EXOSC1: variants seen among roughly 807,000 people sequenced by gnomAD.
EXOSC1 encodes the protein exosome component 1.
In EXOSC1, 27 loss-of-function variants were observed where a neutral mutation model predicts 31.4. That is an observed-to-expected ratio of 0.86 (90% confidence interval 0.63 to 1.18). EXOSC1 has a LOEUF of 1.18. Ranked by LOEUF, EXOSC1 falls within the 50% of genes most tolerant of loss-of-function variation. EXOSC1 has a pLI of 0.00. For synonymous variants in EXOSC1, 84 were observed against 89.5 expected, an observed-to-expected ratio of 0.94 and a Z score of 0.35; for missense variants, 228 against 250.3, an observed-to-expected ratio of 0.91 and a Z score of 0.60.
intron 4 of EXOSC1, 72 bp from the exon 5 acceptor site, chr10:97,438,775 C>T: frequency 9.5e-7 from 1 of 1,052,798 alleles, no homozygotes; most frequent in Non-Finnish European, 1.4e-6. Context: ...TTTTTTGAGA[C>T]AGAGTCTCCC....
Position 97,441,079 on chromosome 10 carries a change from G to C in EXOSC1, c.311+92C>G, listed in dbSNP as rs548718113. 728 of 1,017,092 alleles carry C rather than the reference G, an allele frequency of 7.2e-4. 1 individual carries two copies. The highest frequency in any genetic ancestry group is 1.0e-3 in the Non-Finnish European group (694 of 678,566). The allele number at this position is 1,017,092 out of a possible 1,614,324, so 63.0% of individuals were successfully genotyped here. On this transcript the variant is annotated intron_variant, in intron 4 of 7. Coordinates refer to ENST00000370902, the MANE Select transcript of EXOSC1 (RefSeq NM_016046.5). ...AAGAAAAACGGGCAAAAGAAAAATAGGAATTGTAACTGTTGCTCAAAATTC... is the reference window on the plus strand; with the variant it reads ...AAGAAAAACGGGCAAAAGAAAAATACGAATTGTAACTGTTGCTCAAAATTC...
At position 97,443,311 on chromosome 10, in the gene EXOSC1, G is replaced by A; in HGVS notation, c.148C>T (p.Leu50Phe). 1.2e-6 allele frequency: 2 copies of A among 1,613,082 alleles called. No individual in the cohort carries two copies. The highest frequency in any genetic ancestry group is 1.7e-6 in the Non-Finnish European group (2 of 1,179,682). Residue 50 changes from leucine to phenylalanine, a missense_variant and splice_region_variant, in exon 3 of 8, where the codon CTT becomes TTT. Coordinates refer to ENST00000370902, the MANE Select transcript of EXOSC1 (RefSeq NM_016046.5). ...CLMKSSENGA[L>F]PVVSVVRETE... Reference sequence around the variant, plus strand: ...TCTCTCACTACAGACACCACTGGAAGCTACAGAGGGAACAACAAAAAACTG... The same window carrying A: ...TCTCTCACTACAGACACCACTGGAAACTACAGAGGGAACAACAAAAAACTG...
At position 97,441,271 on chromosome 10, in the gene EXOSC1, A is replaced by G; in HGVS notation, c.223-12T>C. On this transcript the variant is annotated splice_polypyrimidine_tract_variant and intron_variant, in intron 3 of 7. Coordinates refer to ENST00000370902, the MANE Select transcript of EXOSC1 (RefSeq NM_016046.5). ...TTGATGCTAGAGACCTGCGGAATAG[A>G]GAAAAGATCAGCATCAGAGTATAAG... is the stretch of plus-strand genomic sequence containing the variant. 1 of 1,611,884 alleles carries G rather than the reference A, an allele frequency of 6.2e-7. No homozygotes were observed. Among genetic ancestry groups the G allele is most frequent in the Non-Finnish European group, 8.5e-7 (1 of 1,178,096 alleles).
intron 3 of EXOSC1, among the ~76,000 whole-genome samples, chr10:97,441,767 G>A (rs1386281354): frequency 4.7e-5 from 7 of 148,990 alleles, no homozygotes; most frequent in Non-Finnish European, 1.0e-4. Flanking sequence ...TGGGATTACA[G>A]GTGTAAGCCA....
intron 6 of EXOSC1, 36 bp downstream of exon 6, chr10:97,437,664 A>T: frequency 1.2e-6 from 2 of 1,603,890 alleles, no homozygotes; most frequent in Non-Finnish European, 1.7e-6. Context: ...TCTTCTTTTG[A>T]CAAAGGACCA....
intron 5 of EXOSC1, among the ~76,000 whole-genome samples, chr10:97,438,353 A>C (rs1467157182): frequency 1.3e-5 from 2 of 152,050 alleles, no homozygotes; most frequent in Non-Finnish European, 2.9e-5. Flanking sequence ...AGTAGCTAGG[A>C]CTACAGGTGC....
At chr10:97,439,365 C>T (rs1845644143) in intron 4 of EXOSC1, among the ~76,000 whole-genome samples, 1 of 152,218 alleles carries the variant, frequency 6.6e-6, no homozygotes, top group Non-Finnish European at 1.5e-5. Context: ...TCTGTATTTA[C>T]AGCTGCTTCC....
At chr10:97,436,691 A>G in intron 7 of EXOSC1, 140 bp from the exon 8 acceptor site, 1 of 688,142 alleles carries the variant, frequency 1.5e-6, no homozygotes, top group Non-Finnish European at 2.3e-6. Context: ...TGTTCATTCT[A>G]CTGACTTATG....
rs1845579522 is a variant in EXOSC1, at chr10:97,437,551, T to C, written c.396+149A>G. The C allele has an allele frequency of 2.4e-5, 17 of 720,022 alleles. 1 individual carries two copies. The South Asian group carries it at 2.8e-4, about 12-fold the overall frequency. 44.6% of individuals were successfully genotyped at this position (720,022 alleles called of 1,614,324 possible). ...TTAGTAGAGACAGGGTTTCACCATG[T>C]TGTCCAGGCTGGTCTCGAACTCCTG... On this transcript the variant is annotated intron_variant, in intron 6 of 7. Transcript: ENST00000370902.
intron 5 of EXOSC1, among the ~76,000 whole-genome samples, 159 bp downstream of exon 5, chr10:97,438,511 C>T (rs977180806): frequency 2.0e-5 from 3 of 151,268 alleles, no homozygotes; most frequent in Non-Finnish European, 4.4e-5. Context: ...CGCTATGTTG[C>T]CAGGGCTGGT....
At chr10:97,445,633 G>A (rs1589475063) in intron 2 of EXOSC1, 99 bp downstream of exon 2, 1 of 1,046,430 alleles carries the variant, frequency 9.6e-7, no homozygotes, top group South Asian at 1.5e-5. Context: ...GTACCACTGA[G>A]GCACTAAAGA....
Position 97,436,457 on chromosome 10 carries a change from G to GA in EXOSC1, c.575dup (p.Gln194AlafsTer14), listed in dbSNP as rs1845539416. The GA allele has an allele frequency of 6.2e-7, 1 of 1,612,752 alleles. No individual in the cohort carries two copies. Among genetic ancestry groups the GA allele is most frequent in the Admixed American group, 1.7e-5 (1 of 59,874 alleles). On this transcript the variant is annotated frameshift_variant, in exon 8 of 8. Coordinates refer to ENST00000370902, the MANE Select transcript of EXOSC1 (RefSeq NM_016046.5). LOFTEE classifies it high-confidence loss of function. ...AAAAAGTGGCTTCTTAGGTCTGCAA[G>GA]AATTCGGGTTGTACTCGGGCTACTT...
At chr10:97,439,905 A>T (rs964967387) in intron 4 of EXOSC1, among the ~76,000 whole-genome samples, 2 of 152,110 alleles carry the variant, frequency 1.3e-5, no homozygotes, top group African/African-American at 4.8e-5. Flanking sequence ...AAATCTTTTC[A>T]ATGTTTTATA....
At chr10:97,441,585 G>C (rs1306965233) in intron 3 of EXOSC1, among the ~76,000 whole-genome samples, 2 of 150,848 alleles carry the variant, frequency 1.3e-5, no homozygotes, top group Non-Finnish European at 3.0e-5. Context: ...CCGCCTCCTG[G>C]GTTCAAATAA....
At chr10:97,443,561 C>G (rs117736244) in intron 2 of EXOSC1, among the ~76,000 whole-genome samples, 1 of 152,194 alleles carries the variant, frequency 6.6e-6, no homozygotes, top group African/African-American at 2.4e-5. Flanking sequence ...CTTGCTCTGT[C>G]GCCTAGACTG....
At chr10:97,441,008 T>C (rs1369635509) in intron 4 of EXOSC1, 163 bp downstream of exon 4, 4 of 553,126 alleles carry the variant, frequency 7.2e-6, no homozygotes, top group East Asian at 3.1e-5. Flanking sequence ...AGATCATCCA[T>C]GTATTTTTTG....
chr10:97,436,479 A>G lies in EXOSC1; in HGVS notation c.554T>C (p.Val185Ala). Residue 185 changes from valine (V) to alanine (A), a missense_variant, in exon 8 of 8, where the codon GTA (valine) becomes GCA (alanine). Coordinates refer to ENST00000370902, the MANE Select transcript of EXOSC1 (RefSeq NM_016046.5). ...PKTHTKEFRK[V>A]ARVQPEFLQT is the part of the protein sequence containing the mutation. Reference sequence around the variant, plus strand: ...CAAGAATTCGGGTTGTACTCGGGCTACTTTCCGGAATTCTTTAGTGTGGGT... The same window carrying G: ...CAAGAATTCGGGTTGTACTCGGGCTGCTTTCCGGAATTCTTTAGTGTGGGT... 10 of 1,613,338 alleles carry G rather than the reference A, an allele frequency of 6.2e-6. No individual in the cohort carries two copies. The highest frequency in any genetic ancestry group is 8.5e-6 in the Non-Finnish European group (10 of 1,179,716).
Sources: gnomAD v4.1 joint callset for allele counts (sites outside exome capture counted in the v4.1 genomes callset) on GRCh38, gnomAD v4.1.1 for gene constraint, MANE v1.5 for transcripts, NCBI Gene and HGNC (gene_info 2026-07-23, HGNC 2026-07-21) for gene names.